The following DYNC2I1 variants were observed in gnomAD, a reference collection of about 807,000 sequenced individuals.
DYNC2I1 encodes dynein 2 intermediate chain 1, also known as cytoplasmic dynein 2 intermediate chain 1.
Under a neutral mutation model 133.4 loss-of-function variants are expected in DYNC2I1, and 89 were observed. The observed-to-expected ratio is 0.67, with a 90% CI of 0.56 to 0.80. DYNC2I1 has a LOEUF of 0.80. Among genes scored for constraint, DYNC2I1 ranks in the 30% least tolerant of loss-of-function variants. The pLI, the probability that DYNC2I1 is intolerant of heterozygous loss-of-function variation, is 0.00. For synonymous variants in DYNC2I1, 504 were observed against 484.3 expected, an observed-to-expected ratio of 1.04 and a Z score of -0.54; for missense variants, 1,291 against 1,314.5, an observed-to-expected ratio of 0.98 and a Z score of 0.28.
At chr7:158,948,509 T>G (rs1747733585), downstream of DYNC2I1, among the ~76,000 whole-genome samples, 1 of 152,196 alleles carries the variant, frequency 6.6e-6, no homozygotes, top group East Asian at 1.9e-4. Flanking sequence ...TGGACTGAGC[T>G]CTTGAGGACG....
the DYNC2I1 span, among the ~76,000 whole-genome samples, chr7:158,846,978 C>A: frequency 6.6e-6 from 1 of 152,256 alleles, no homozygotes; most frequent in East Asian, 1.9e-4. Flanking sequence ...TAGTTCACTA[C>A]CAAACTATGT....
At chr7:158,843,652 T>C in the DYNC2I1 span, among the ~76,000 whole-genome samples, 2,817 of 152,240 alleles carry the variant, frequency 0.019, 87 homozygotes, top group African/African-American at 0.063. Context: ...CACCTCAGCC[T>C]CCCAAAGTAC....
At chr7:158,866,613 G>A (rs1490453806) in intron 1 of DYNC2I1, among the ~76,000 whole-genome samples, 1 of 152,126 alleles carries the variant, frequency 6.6e-6, no homozygotes, top group Non-Finnish European at 1.5e-5. Context: ...GGCCGGGCGT[G>A]GTGGCTCACA....
intron 8 of DYNC2I1, among the ~76,000 whole-genome samples, chr7:158,895,543 C>G (rs1334081437): frequency 6.6e-6 from 1 of 152,162 alleles, no homozygotes; most frequent in Non-Finnish European, 1.5e-5. Context: ...ATTGCTATAG[C>G]TTTGTAGTGG....
At chr7:158,848,792 C>A in the DYNC2I1 span, among the ~76,000 whole-genome samples, 1 of 152,088 alleles carries the variant, frequency 6.6e-6, no homozygotes, top group African/African-American at 2.4e-5. Flanking sequence ...GGCATGGTGG[C>A]AGGCGCCTGT....
chr7:158,856,604 T>G lies in DYNC2I1; in HGVS notation c.-132T>G, dbSNP rs1281728748. 1.0e-6 allele frequency: 1 copy of G among 957,672 alleles called. No individual in the cohort carries two copies. The highest frequency in any genetic ancestry group is 1.4e-6 in the Non-Finnish European group (1 of 739,088). 59.3% of individuals were successfully genotyped at this position (957,672 alleles called of 1,614,324 possible). ...TGGGCAGTGCTTCTGGGCCCTCTGC[T>G]GCTCCTGCTTGTCGGTTGCTAGGCG... On this transcript the variant is annotated 5_prime_UTR_variant, in exon 1 of 25. Coordinates refer to ENST00000407559, the MANE Select transcript of DYNC2I1 (RefSeq NM_018051.5).
In DYNC2I1 at chr7:158,934,058, G is replaced by A. The variant is rs186280411; in HGVS notation, c.2547-71G>A. ...CATCGATGTATTGTAGTGCAAATCAGTGTTAATACCATCATTATTCTTAAG... is the reference window on the plus strand; with the variant it reads ...CATCGATGTATTGTAGTGCAAATCAATGTTAATACCATCATTATTCTTAAG... On this transcript the variant is annotated intron_variant, in intron 21 of 24. Transcript: ENST00000407559. The A allele has an allele frequency of 2.2e-4, 232 of 1,063,414 alleles. 1 individual carries two copies. The highest frequency in any genetic ancestry group is 1.5e-3 in the Admixed American group (70 of 48,094). 65.9% of individuals were successfully genotyped at this position (1,063,414 alleles called of 1,614,324 possible).
intron 1 of DYNC2I1, among the ~76,000 whole-genome samples, chr7:158,862,094 G>T (rs959756422): frequency 1.3e-5 from 2 of 152,172 alleles, no homozygotes; most frequent in Admixed American, 6.5e-5. Context: ...GTGTTGCCAT[G>T]CAGGGTTAGT....
chr7:158,846,009 C>A, the DYNC2I1 span, among the ~76,000 whole-genome samples: 1 of 152,188 alleles, frequency 6.6e-6, no homozygotes, highest in Non-Finnish European at 1.5e-5. Flanking sequence ...CCTGTATTTC[C>A]AGCACTCTGG....
chr7:158,854,025 G>T (rs890605174), upstream of DYNC2I1, among the ~76,000 whole-genome samples: 3 of 102,780 alleles, frequency 2.9e-5, no homozygotes, highest in Admixed American at 2.5e-4. Context: ...TTTAGTGGGT[G>T]GGGGGGCGTT....
At chr7:158,885,428 G>A (rs1396335912) in intron 6 of DYNC2I1, among the ~76,000 whole-genome samples, 2 of 150,044 alleles carry the variant, frequency 1.3e-5, no homozygotes, top group East Asian at 2.0e-4. Flanking sequence ...TGCAACCTCC[G>A]CCTCCCAGGT....
intron 14 of DYNC2I1, among the ~76,000 whole-genome samples, chr7:158,915,948 CGTT>C (rs1371119556): frequency 1.4e-5 from 2 of 145,412 alleles, no homozygotes; most frequent in East Asian, 2.0e-4. Flanking sequence ...GATTGTGAAA[CGTT>C]GACACAGTGG....
At chr7:158,900,819 G>A (rs1187227883) in intron 8 of DYNC2I1, among the ~76,000 whole-genome samples, 1 of 148,744 alleles carries the variant, frequency 6.7e-6, no homozygotes, top group African/African-American at 2.5e-5. Context: ...CAAGCACAGA[G>A]ACTTTTCTTC....
chr7:158,929,376 G>T (rs545717790), intron 20 of DYNC2I1, among the ~76,000 whole-genome samples: 38 of 152,248 alleles, frequency 2.5e-4, no homozygotes, highest in Non-Finnish European at 5.0e-4. Context: ...GAGCGGAGGC[G>T]CAGTGGGAAG....
intron 21 of DYNC2I1, among the ~76,000 whole-genome samples, chr7:158,932,327 T>C (rs995180918): frequency 6.6e-6 from 1 of 152,254 alleles, no homozygotes; most frequent in Admixed American, 6.5e-5. Flanking sequence ...AGGCAAAGAC[T>C]GAGCCAGGCC....
chr7:158,870,376 CA>C (rs1842774900), intron 2 of DYNC2I1, among the ~76,000 whole-genome samples: 1 of 151,712 alleles, frequency 6.6e-6, no homozygotes. Flanking sequence ...TTTTTAGAGA[CA>C]GGGTCTTACC....
At chr7:158,855,213 GT>G (rs1400161052), upstream of DYNC2I1, among the ~76,000 whole-genome samples, 2 of 152,212 alleles carry the variant, frequency 1.3e-5, no homozygotes, top group African/African-American at 4.8e-5. Context: ...AGGGATCAGA[GT>G]TTTCAAGGAT....
intron 1 of DYNC2I1, among the ~76,000 whole-genome samples, chr7:158,866,754 G>A (rs1377241624): frequency 2.6e-5 from 4 of 151,856 alleles, no homozygotes; most frequent in South Asian, 2.1e-4. Flanking sequence ...GCGTGGTGGC[G>A]GGCGCCTGTA....
In DYNC2I1 at chr7:158,856,832, C is replaced by T. The variant is rs555763075; in HGVS notation, c.15+82C>T. The T allele has an allele frequency of 7.9e-4, 958 of 1,215,762 alleles. 3 individuals are homozygous for T. Among genetic ancestry groups the T allele is most frequent in the Middle Eastern group, 7.6e-3 (24 of 3,160 alleles). The allele number at this position is 1,215,762 out of a possible 1,614,324, so 75.3% of individuals were successfully genotyped here. Reference sequence around the variant, plus strand: ...GCGCCGCTAGCAGCGCCGCCGCCGCCCTCCCTTTGCGCAGCGGTTCTCTCG... The same window carrying T: ...GCGCCGCTAGCAGCGCCGCCGCCGCTCTCCCTTTGCGCAGCGGTTCTCTCG... On this transcript the variant is annotated intron_variant, in intron 1 of 24. Transcript: ENST00000407559.
Sources: allele counts gnomAD v4.1 joint callset (sites outside exome capture counted in the v4.1 genomes callset), GRCh38; gene constraint gnomAD v4.1.1; transcripts MANE v1.5; gene names NCBI Gene and HGNC (gene_info 2026-07-23, HGNC 2026-07-21).